Variants in ZCWPW2 observed in about 807,000 individuals in gnomAD.
The protein encoded by ZCWPW2 is zinc finger CW-type and PWWP domain containing 2.
Under a neutral mutation model 46.6 loss-of-function variants are expected in ZCWPW2, and 45 were observed. That is an observed-to-expected ratio of 0.96 (90% confidence interval 0.76 to 1.24). The LOEUF (loss-of-function observed/expected upper bound fraction) is 1.24. Ranked by LOEUF, ZCWPW2 falls within the 50% of genes most tolerant of loss-of-function variation. The pLI, the probability that ZCWPW2 is intolerant of heterozygous loss-of-function variation, is 0.00. For missense variants in ZCWPW2, 429 were observed against 403.9 expected (o/e 1.06, Z -0.53); for synonymous variants, 152 against 137.1 (o/e 1.11, Z -0.76).
At chr3:28,515,939 A>AT (rs1329811150) in intron 8 of ZCWPW2, among the ~76,000 whole-genome samples, 1 of 151,826 alleles carries the variant, frequency 6.6e-6, no homozygotes, top group African/African-American at 2.4e-5. Flanking sequence ...CATGTATTTA[A>AT]TTTTTTAAAA....
Position 28,353,228 on chromosome 3 carries a change from G to C in ZCWPW2, c.-134+4025G>C, listed in dbSNP as rs140970681. Among the ~76,000 whole-genome samples the C allele has an allele frequency of 2.5e-3, 387 of 151,864 alleles. 1 individual carries two copies. The highest frequency in any genetic ancestry group is 8.5e-3 in the African/African-American group (351 of 41,442). ...ATATATTTTATGATAATTATAATTT[G>C]TTATATGTTTAATACTCATCAAAAG... On this transcript the variant is annotated intron_variant, in intron 1 of 9. Coordinates refer to ENST00000383768, the MANE Select transcript of ZCWPW2 (RefSeq NM_001040432.4).
chr3:28,435,546 C>T (rs1264771117), intron 4 of ZCWPW2, among the ~76,000 whole-genome samples: 53 of 144,520 alleles, frequency 3.7e-4, no homozygotes, highest in Admixed American at 1.3e-3. Flanking sequence ...AGTGCAATGG[C>T]GCGATCTCGG....
rs73823977 is a variant in ZCWPW2 at position 28,491,484 on chromosome 3, C to G, written c.611-643C>G. Among the ~76,000 whole-genome samples the G allele has an allele frequency of 2.0e-5, 3 of 151,894 alleles. No individual in the cohort carries two copies. The South Asian group carries it at 6.2e-4, about 32-fold the overall frequency. On this transcript the variant is annotated intron_variant, in intron 5 of 9. Coordinates refer to ENST00000383768, the MANE Select transcript of ZCWPW2 (RefSeq NM_001040432.4). The stretch of plus-strand genomic sequence containing the variant: ...GAAAATGTACTAAATTTAGGAGTGG[C>G]ATAATGAGAAAATGTACTAGTAGTT...
At chr3:28,399,103 G>A (rs775995677) in intron 2 of ZCWPW2, among the ~76,000 whole-genome samples, 4 of 152,178 alleles carry the variant, frequency 2.6e-5, no homozygotes, top group African/African-American at 4.8e-5. Flanking sequence ...TGGGGGCATG[G>A]TGGGGGTGAC....
In ZCWPW2 at chr3:28,458,489, T is replaced by C. The variant is rs777217570; in HGVS notation, c.493-20325T>C. On this transcript the variant is annotated intron_variant, in intron 4 of 9. Transcript: ENST00000383768. ...CATTTTTTGGACTGTAGACATCAAA[T>C]GATAATCTCACATAGTCTTCATTTG... 1.9e-3 allele frequency among the ~76,000 whole-genome samples: 287 copies of C among 152,334 alleles called. 5 individuals are homozygous for C. Among genetic ancestry groups the C allele is most frequent in the Non-Finnish European group, 3.1e-3 (211 of 68,024 alleles).
rs193143847 is a variant in ZCWPW2, at chr3:28,499,368, T to G, written c.657+7195T>G. The stretch of plus-strand genomic sequence containing the variant: ...ACTGGTGTGAGATGGTATCTCATTG[T>G]GGTTTTGATTTGCATTTCTCTAATG... On this transcript the variant is annotated intron_variant, in intron 6 of 9. Coordinates refer to ENST00000383768, the MANE Select transcript of ZCWPW2 (RefSeq NM_001040432.4). Among the ~76,000 whole-genome samples the G allele has an allele frequency of 8.5e-5, 13 of 152,292 alleles. No individual in the cohort carries two copies. The East Asian group carries it at 1.7e-3, about 20-fold the overall frequency.
intron 2 of ZCWPW2, among the ~76,000 whole-genome samples, chr3:28,407,019 A>G (rs1286925335): frequency 2.0e-5 from 3 of 151,970 alleles, no homozygotes; most frequent in African/African-American, 7.2e-5. Flanking sequence ...TAGGGATTGC[A>G]TCTCACTATG....
At chr3:28,422,437 T>C (rs570594602) in intron 3 of ZCWPW2, among the ~76,000 whole-genome samples, 9 of 152,232 alleles carry the variant, frequency 5.9e-5, no homozygotes, top group Non-Finnish European at 8.8e-5. Flanking sequence ...CATAGTATTG[T>C]CTTTTCTAGA....
At chr3:28,492,320 C>A in intron 6 of ZCWPW2, 147 bp downstream of exon 6, 1 of 673,308 alleles carries the variant, frequency 1.5e-6, no homozygotes, top group Admixed American at 3.7e-5. Context: ...TGTTTCCTTT[C>A]TTAGGTTAAT....
chr3:28,435,802 T>C (rs1298542164), intron 4 of ZCWPW2, among the ~76,000 whole-genome samples: 1 of 152,148 alleles, frequency 6.6e-6, no homozygotes, highest in African/African-American at 2.4e-5. Context: ...TTTATTTTTC[T>C]AATGGTAATA....
chr3:28,434,985 A>G, intron 3 of ZCWPW2, 125 bp from the exon 4 acceptor site: 2 of 926,858 alleles, frequency 2.2e-6, no homozygotes, highest in Middle Eastern at 3.3e-4. Flanking sequence ...AGATATAAGT[A>G]GGAATATATG....
chr3:28,524,551 C>T lies in ZCWPW2; in HGVS notation c.934C>T (p.Pro312Ser), dbSNP rs908410108. 2 of 1,604,748 alleles carry T rather than the reference C, an allele frequency of 1.2e-6. No individual in the cohort carries two copies. Among genetic ancestry groups the T allele is most frequent in the South Asian group, 1.1e-5 (1 of 88,484 alleles). Residue 312 changes from proline to serine, a missense_variant, in exon 10 of 10, where the codon CCT (proline) becomes TCT (serine). Physicochemically the swap from Pro to Ser is moderately conservative, Grantham distance 74. Coordinates refer to ENST00000383768, the MANE Select transcript of ZCWPW2 (RefSeq NM_001040432.4). ...GTTATCTAAATGCAGCCCAGAAGCT[C>T]CTGCAGGCAGTCTGTTTGAAAACCA... is the stretch of plus-strand genomic sequence containing the variant. ...EKLSKCSPEAPAGSLFENHYE... is the reference protein window; with the variant it reads ...EKLSKCSPEASAGSLFENHYE...
chr3:28,502,632 A>T (rs1330338535), intron 6 of ZCWPW2, among the ~76,000 whole-genome samples: 1 of 152,100 alleles, frequency 6.6e-6, no homozygotes, highest in Non-Finnish European at 1.5e-5. Context: ...CGAAGACCAC[A>T]TTATTCCCCG....
At chr3:28,434,506 T>G (rs1417410811) in intron 3 of ZCWPW2, among the ~76,000 whole-genome samples, 3 of 152,234 alleles carry the variant, frequency 2.0e-5, no homozygotes, top group Admixed American at 2.0e-4. Context: ...AAATTTTATT[T>G]TCAATGTTGA....
chr3:28,509,856 G>A lies in ZCWPW2; in HGVS notation c.658-4208G>A, dbSNP rs1700379883. ...CATCCAATTTATTCTTTTGTTGTTT[G>A]TGTTTCTGGTGTCATAGCTAAGAAA... On this transcript the variant is annotated intron_variant, in intron 6 of 9. Transcript: ENST00000383768. Among the ~76,000 whole-genome samples, 3 of 151,898 alleles carry A rather than the reference G, an allele frequency of 2.0e-5. No individual in the cohort carries two copies. In the South Asian group the frequency reaches 6.2e-4, roughly 32 times the overall value.
chr3:28,372,933 G>A (rs1271937466), intron 1 of ZCWPW2, among the ~76,000 whole-genome samples: 1 of 151,980 alleles, frequency 6.6e-6, no homozygotes, highest in Non-Finnish European at 1.5e-5. Flanking sequence ...TCCACCTATT[G>A]TTGCAAAAAA....
At chr3:28,445,232 T>G in intron 4 of ZCWPW2, among the ~76,000 whole-genome samples, 1 of 151,450 alleles carries the variant, frequency 6.6e-6, no homozygotes, top group East Asian at 1.9e-4. Flanking sequence ...ACTCACCACT[T>G]GGGTTACAGA....
At chr3:28,515,715 C>CTA in intron 8 of ZCWPW2, 94 bp downstream of exon 8, 1 of 665,650 alleles carries the variant, frequency 1.5e-6, no homozygotes, top group African/African-American at 2.0e-5. Flanking sequence ...AAAAGATTTC[C>CTA]TGTGTGTGTG....
At position 28,477,292 on chromosome 3, in the gene ZCWPW2, A is replaced by G. The variant is rs182605740; in HGVS notation, c.493-1522A>G. 1.1e-3 allele frequency among the ~76,000 whole-genome samples: 173 copies of G among 152,314 alleles called. 1 individual carries two copies. Among genetic ancestry groups the G allele is most frequent in the African/African-American group, 3.8e-3 (160 of 41,578 alleles). On this transcript the variant is annotated intron_variant, in intron 4 of 9. Transcript: ENST00000383768. Reference sequence around the variant, plus strand: ...ATAACTTACTTAATGAATGAAATTCATAGATTATGTGTCCAAAAGTAGAGT... The same window carrying G: ...ATAACTTACTTAATGAATGAAATTCGTAGATTATGTGTCCAAAAGTAGAGT...
Sources: gnomAD v4.1 joint callset for allele counts (sites outside exome capture counted in the v4.1 genomes callset) on GRCh38, gnomAD v4.1.1 for gene constraint, MANE v1.5 for transcripts, NCBI Gene and HGNC (gene_info 2026-07-23, HGNC 2026-07-21) for gene names.